The following TTC7B variants were observed in gnomAD, a reference collection of about 807,000 sequenced individuals.
TTC7B encodes the protein tetratricopeptide repeat domain 7B.
TTC7B carries 28 observed loss-of-function variants against 106.8 expected under a neutral mutation model. The ratio of observed to expected loss-of-function variants is 0.26; its 90% confidence interval spans 0.19 to 0.36. TTC7B has a LOEUF of 0.36. Among genes scored for constraint, TTC7B ranks in the 10% least tolerant of loss-of-function variants. The pLI is 1.00. For synonymous variants in TTC7B, 405 were observed against 430.6 expected, an observed-to-expected ratio of 0.94 and a Z score of 0.74; for missense variants, 862 against 1,076.4, an observed-to-expected ratio of 0.80 and a Z score of 2.79.
At chr14:90,772,302 G>A (rs1198395108) in intron 3 of TTC7B, among the ~76,000 whole-genome samples, 4 of 152,038 alleles carry the variant, frequency 2.6e-5, no homozygotes, top group East Asian at 3.8e-4. Context: ...TCACAGCCTC[G>A]TGTATAACAG....
At chr14:90,636,427 TAAA>T (rs71117365) in intron 15 of TTC7B, among the ~76,000 whole-genome samples, 17 of 99,848 alleles carry the variant, frequency 1.7e-4, no homozygotes, top group East Asian at 2.9e-4. Context: ...AACGATGTGG[TAAA>T]AAAAAAAAAA....
intron 18 of TTC7B, among the ~76,000 whole-genome samples, chr14:90,582,535 C>A (rs1286480): frequency 6.6e-6 from 1 of 152,098 alleles, no homozygotes; most frequent in Non-Finnish European, 1.5e-5. Context: ...ACCAGTGCCA[C>A]AGGTTTCCTC....
intron 5 of TTC7B, among the ~76,000 whole-genome samples, chr14:90,705,099 C>T (rs1888151798): frequency 6.6e-6 from 1 of 152,190 alleles, no homozygotes; most frequent in Admixed American, 6.5e-5. Context: ...AAAATTATTT[C>T]ACTCTCTCAT....
chr14:90,606,590 A>T (rs1892648903), intron 17 of TTC7B, among the ~76,000 whole-genome samples: 1 of 152,232 alleles, frequency 6.6e-6, no homozygotes, highest in East Asian at 1.9e-4. Context: ...CAGAGCTTCA[A>T]AGTAAAGACT....
In TTC7B at chr14:90,629,868, T is replaced by C. The variant is rs1313083223; in HGVS notation, c.1752-11823A>G. ...TCTCTCCTGTGGCTGACAGGGAGGC[T>C]GGGATGCCCTGAAGGCTGGTTCTCC... On this transcript the variant is annotated intron_variant, in intron 15 of 19. Coordinates refer to ENST00000328459, the MANE Select transcript of TTC7B (RefSeq NM_001010854.2). Among the ~76,000 whole-genome samples, 3 of 152,180 alleles carry C rather than the reference T, an allele frequency of 2.0e-5. 1 individual carries two copies. The highest frequency in any genetic ancestry group is 6.5e-5 in the Admixed American group (1 of 15,288).
chr14:90,678,740 C>G (rs528642407), intron 8 of TTC7B, among the ~76,000 whole-genome samples: 13 of 152,286 alleles, frequency 8.5e-5, no homozygotes, highest in Admixed American at 3.9e-4. Context: ...AATTAAGAAG[C>G]AGGAGAGTTG....
intron 1 of TTC7B, among the ~76,000 whole-genome samples, chr14:90,814,307 T>A (rs1464794073): frequency 6.6e-6 from 1 of 152,178 alleles, no homozygotes; most frequent in Non-Finnish European, 1.5e-5. Context: ...CCAGGGACCA[T>A]CATAGCTTGA....
chr14:90,639,938 C>T (rs1885101000), intron 15 of TTC7B, among the ~76,000 whole-genome samples: 1 of 152,204 alleles, frequency 6.6e-6, no homozygotes, highest in South Asian at 2.1e-4. Context: ...CAGTCTGATT[C>T]CATTTTCTAC....
intron 17 of TTC7B, among the ~76,000 whole-genome samples, chr14:90,598,298 G>T (rs750033968): frequency 1.3e-5 from 2 of 152,180 alleles, no homozygotes; most frequent in Non-Finnish European, 2.9e-5. Flanking sequence ...GTCCTGGAGC[G>T]GAGGCCATCT....
At chr14:90,696,649 T>TGA (rs1356784665) in intron 5 of TTC7B, among the ~76,000 whole-genome samples, 2 of 152,190 alleles carry the variant, frequency 1.3e-5, no homozygotes, top group African/African-American at 4.8e-5. Context: ...TATACCTACA[T>TGA]GACATCCCAG....
At chr14:90,591,916 A>C (rs1648406426) in intron 18 of TTC7B, among the ~76,000 whole-genome samples, 1 of 152,226 alleles carries the variant, frequency 6.6e-6, no homozygotes. Context: ...TCTCTAAGCA[A>C]GAGGCCAAAT....
intron 3 of TTC7B, chr14:90,766,728 T>G: frequency 6.5e-7 from 1 of 1,545,506 alleles, no homozygotes; most frequent in Non-Finnish European, 8.9e-7. Context: ...AGGTGGAACG[T>G]GTGATCACCA....
intron 19 of TTC7B, among the ~76,000 whole-genome samples, chr14:90,553,036 C>G (rs887750): frequency 0.46 from 69,235 of 152,076 alleles, 16,113 homozygotes; most frequent in Admixed American, 0.52. Context: ...AGGGACGGGG[C>G]CTGTGGTCTA....
At chr14:90,687,579 A>G (rs1887295861) in intron 7 of TTC7B, among the ~76,000 whole-genome samples, 1 of 152,228 alleles carries the variant, frequency 6.6e-6, no homozygotes, top group African/African-American at 2.4e-5. Flanking sequence ...AAGCATCTAA[A>G]GCAGGGGAAA....
At position 90,664,537 on chromosome 14, in the gene TTC7B, C is replaced by T. The variant is rs1440034659; in HGVS notation, c.1153-6150G>A. ...CCGCCCGCCTCGGCCTCCCAAAGTG[C>T]TGGGATTACAGGCTTGGGCCACCAT... On this transcript the variant is annotated intron_variant, in intron 9 of 19. Transcript: ENST00000328459. 2.6e-5 allele frequency among the ~76,000 whole-genome samples: 4 copies of T among 152,224 alleles called. No homozygotes were observed. The East Asian group carries it at 7.7e-4, about 29-fold the overall frequency.
Position 90,578,456 on chromosome 14 carries a change from G to A in TTC7B, c.2108-148C>T, listed in dbSNP as rs111727972. 1.6e-5 allele frequency: 13 copies of A among 797,510 alleles called. No individual in the cohort carries two copies. The highest frequency in any genetic ancestry group is 1.1e-4 in the East Asian group (4 of 37,560). 49.4% of individuals were successfully genotyped at this position (797,510 alleles called of 1,614,324 possible). A position where few individuals can be genotyped will look rare whatever the true frequency, so the allele number is the denominator to read the frequency against. On this transcript the variant is annotated intron_variant, in intron 18 of 19. Coordinates refer to ENST00000328459, the MANE Select transcript of TTC7B (RefSeq NM_001010854.2). The surrounding 1 kb of genome is among the most constrained non-coding windows in gnomAD (Gnocchi z 4.7). Reference sequence around the variant, plus strand: ...CCTGCTCCAAGTGGAAACAGCTGCCGCTGACAGTCCCTCCTGCCCACTCCT... The same window carrying A: ...CCTGCTCCAAGTGGAAACAGCTGCCACTGACAGTCCCTCCTGCCCACTCCT...
At chr14:90,633,352 T>C (rs1279292940) in intron 15 of TTC7B, among the ~76,000 whole-genome samples, 1 of 152,232 alleles carries the variant, frequency 6.6e-6, no homozygotes, top group Non-Finnish European at 1.5e-5. Context: ...TAAAAATCTA[T>C]GGAAGAATTG....
chr14:90,570,045 GC>G lies in TTC7B; in HGVS notation c.2310+8060del, dbSNP rs1389681964. ...GTGGTGGTGACTCCCTCCACCAAGGGCCCTCAAGCACAGGCTCTCCTCCAGC... is the reference window on the plus strand; with the variant it reads ...GTGGTGGTGACTCCCTCCACCAAGGGCCTCAAGCACAGGCTCTCCTCCAGC... On this transcript the variant is annotated intron_variant, in intron 19 of 19. Coordinates refer to ENST00000328459, the MANE Select transcript of TTC7B (RefSeq NM_001010854.2). The surrounding 1 kb of genome is among the most constrained non-coding windows in gnomAD (Gnocchi z 4.0). The G allele has an allele frequency of 6.6e-6, 1 of 152,232 alleles. No individual in the cohort carries two copies. The highest frequency in any genetic ancestry group is 2.4e-5 in the African/African-American group (1 of 41,440). 9.4% of individuals were successfully genotyped at this position (152,232 alleles called of 1,614,324 possible). A position where few individuals can be genotyped will look rare whatever the true frequency, so the allele number is the denominator to read the frequency against.
chr14:90,596,602 A>C (rs1481162586), intron 17 of TTC7B, among the ~76,000 whole-genome samples: 2 of 152,168 alleles, frequency 1.3e-5, no homozygotes, highest in African/African-American at 2.4e-5. Flanking sequence ...CTCCTACAGG[A>C]AGGCTGCTGT....
Sources: gnomAD v4.1 joint callset for allele counts (sites outside exome capture counted in the v4.1 genomes callset) on GRCh38, gnomAD v4.1.1 for gene constraint, Gnocchi (gnomAD v3.1) non-coding constraint, MANE v1.5 for transcripts, NCBI Gene and HGNC (gene_info 2026-07-23, HGNC 2026-07-21) for gene names.